Variants in ATP6V1C2 observed in about 807,000 individuals in gnomAD.
ATP6V1C2 encodes ATPase H+ transporting V1 subunit C2.
In ATP6V1C2, 45 loss-of-function variants were observed where a neutral mutation model predicts 56.8. The ratio of observed to expected loss-of-function variants is 0.79; its 90% CI spans 0.62 to 1.02. The LOEUF (loss-of-function observed/expected upper bound fraction) is 1.02. Ranked by LOEUF, ATP6V1C2 falls within the 50% of genes least tolerant of loss-of-function variation. The pLI is 0.00. For synonymous variants in ATP6V1C2, 220 were observed against 201.3 expected (o/e 1.09, Z -0.79); for missense variants, 463 against 519.7 (o/e 0.89, Z 1.06).
At chr2:10,774,648 T>G (rs927260496) in intron 8 of ATP6V1C2, 140 bp from the exon 9 acceptor site, 9 of 734,720 alleles carry the variant, frequency 1.2e-5, no homozygotes, top group Admixed American at 4.5e-5. Flanking sequence ...TTAGGAAATC[T>G]CAGGGAGTGT....
chr2:10,758,849 AG>A (rs1663713731), intron 4 of ATP6V1C2, among the ~76,000 whole-genome samples: 1 of 152,088 alleles, frequency 6.6e-6, no homozygotes, highest in African/African-American at 2.4e-5. Context: ...TTGTATTTTC[AG>A]TAGAGACGGG....
At chr2:10,752,068 A>C (rs542893793) in intron 3 of ATP6V1C2, among the ~76,000 whole-genome samples, 67 of 152,182 alleles carry the variant, frequency 4.4e-4, no homozygotes, top group African/African-American at 1.3e-3. Flanking sequence ...TGCCTCAAAA[A>C]AAAAACAACA....
intron 4 of ATP6V1C2, 121 bp from the exon 5 acceptor site, chr2:10,764,210 C>A: frequency 1.2e-6 from 1 of 822,278 alleles, no homozygotes. Context: ...TGCCTGCCCG[C>A]CGGCGTTGCC....
chr2:10,736,190 C>T (rs1384957117), intron 3 of ATP6V1C2, among the ~76,000 whole-genome samples: 1 of 152,012 alleles, frequency 6.6e-6, no homozygotes, highest in African/African-American at 2.4e-5. Context: ...ACTGATGCTG[C>T]GGGCCCTGCC....
rs979247577 is a variant in ATP6V1C2 at position 10,768,775 on chromosome 2, G to T, written c.435G>T (p.Leu145=). The T allele has an allele frequency of 1.9e-6, 3 of 1,613,902 alleles. No individual in the cohort carries two copies. In the African/African-American group the frequency reaches 4.0e-5, roughly 22 times the overall value. ...LKSRTAAYNT[L]KTNLENLEKK... ...CCCGAACGGCCGCCTACAACACTCT[G>T]AAGACAAACCTGGAGAACCTGGAAA... is the stretch of plus-strand genomic sequence containing the variant. Residue 145 remains leucine (L), a synonymous_variant, in exon 6 of 14, where the codon CTG becomes CTT. Transcript: ENST00000272238.
chr2:10,741,661 G>A (rs968382183), intron 3 of ATP6V1C2, among the ~76,000 whole-genome samples: 1 of 152,184 alleles, frequency 6.6e-6, no homozygotes, highest in African/African-American at 2.4e-5. Flanking sequence ...GTCAGGACCA[G>A]CTGACATGTG....
intron 3 of ATP6V1C2, among the ~76,000 whole-genome samples, chr2:10,749,003 A>G (rs1663067599): frequency 6.6e-6 from 1 of 151,682 alleles, no homozygotes; most frequent in South Asian, 2.1e-4. Context: ...GGTGGCAGAC[A>G]CCTGTAATCC....
chr2:10,784,412 T>TCTGGAGCTACTCC lies in ATP6V1C2; in HGVS notation c.*1150_*1162dup, dbSNP rs1407819489. 6.0e-6 allele frequency: 6 copies of TCTGGAGCTACTCC among 1,005,870 alleles called. No individual in the cohort carries two copies. The highest frequency in any genetic ancestry group is 6.0e-6 in the Non-Finnish European group (4 of 668,544). 62.3% of individuals were successfully genotyped at this position (1,005,870 alleles called of 1,614,324 possible). A position where few individuals can be genotyped will look rare whatever the true frequency, so the allele number is the denominator to read the frequency against. ...ATCTCATTTTATGGAAGAGCGACTC[T>TCTGGAGCTACTCC]CTGGAGCTACTCCTGCTACAATCCA... On this transcript the variant is annotated 3_prime_UTR_variant, in exon 14 of 14. Transcript: ENST00000272238.
At position 10,754,068 on chromosome 2, in the gene ATP6V1C2, T is replaced by C; in HGVS notation, c.283+2T>C. On this transcript the variant is annotated splice_donor_variant, in intron 4 of 13. Coordinates refer to ENST00000272238, the MANE Select transcript of ATP6V1C2 (RefSeq NM_001039362.2). LOFTEE classifies it high-confidence loss of function. ...AGGAGCACCTCCTGGCAAACGGAGG[T>C]AGGTAGGGCGGCCCTCTGATGTGGA... 1.3e-6 allele frequency: 2 copies of C among 1,595,328 alleles called. No homozygotes were observed. Among genetic ancestry groups the C allele is most frequent in the Non-Finnish European group, 8.6e-7 (1 of 1,169,430 alleles).
intron 4 of ATP6V1C2, among the ~76,000 whole-genome samples, chr2:10,760,030 GTTT>G (rs34096158): frequency 7.5e-6 from 1 of 133,840 alleles, no homozygotes; most frequent in African/African-American, 2.7e-5. Flanking sequence ...TTTGTTTTTT[GTTT>G]TTTTTTTTTT....
chr2:10,779,428 AATATATATATATATGTATGT>A (rs1342441628), intron 12 of ATP6V1C2, among the ~76,000 whole-genome samples: 1 of 138,338 alleles, frequency 7.2e-6, no homozygotes, highest in Non-Finnish European at 1.6e-5. Context: ...TAAAAAAAAA[AATATATATATATATGTATGT>A]ATATATATAT....
rs745538878 is a variant in ATP6V1C2, at chr2:10,782,337, C to T, written c.1156C>T (p.Arg386Ter). The change falls in exon 13 of 14, where the codon CGA (arginine) becomes TGA (stop). Residue 386 changes from arginine (R) to a stop codon, truncating the protein, a stop_gained. Transcript: ENST00000272238. LOFTEE classifies it high-confidence loss of function. The part of the protein sequence containing the change: ...RLREVLNSVF[R>*]HLDEVAATSI... ...AAGAGAGGTTCTAAACTCTGTCTTC[C>T]GACATCTGGATGAAGTAGCCGCTAC... 6.8e-6 allele frequency: 11 copies of T among 1,614,072 alleles called. No homozygotes were observed. Among genetic ancestry groups the T allele is most frequent in the African/African-American group, 2.7e-5 (2 of 74,918 alleles).
At chr2:10,774,743 A>C in intron 8 of ATP6V1C2, 45 bp from the exon 9 acceptor site, 1 of 1,562,332 alleles carries the variant, frequency 6.4e-7, no homozygotes, top group Non-Finnish European at 8.8e-7. Flanking sequence ...ACTCCCGCAC[A>C]AGGCCTAGCA....
At chr2:10,777,331 C>A (rs1338476166) in intron 10 of ATP6V1C2, among the ~76,000 whole-genome samples, 2 of 152,150 alleles carry the variant, frequency 1.3e-5, no homozygotes, top group African/African-American at 4.8e-5. Flanking sequence ...TCAGGGCTGA[C>A]CCCTCTGCCA....
At chr2:10,782,444 G>A (rs1405059421) in intron 13 of ATP6V1C2, 69 bp downstream of exon 13, 1 of 1,557,336 alleles carries the variant, frequency 6.4e-7, no homozygotes, top group African/African-American at 1.4e-5. Flanking sequence ...ACTGGTATCT[G>A]CCTGTAATCC....
Position 10,722,845 on chromosome 2 carries a change from G to A in ATP6V1C2, c.-5G>A. 6.2e-7 allele frequency: 1 copy of A among 1,614,050 alleles called. No homozygotes were observed. On this transcript the variant is annotated 5_prime_UTR_variant, in exon 2 of 14. Coordinates refer to ENST00000272238, the MANE Select transcript of ATP6V1C2 (RefSeq NM_001039362.2). ...GCAGTCACTGGGTAAGAGAAGACTGGAAGCATGTCGGAGTTTTGGTTAATT... is the reference window on the plus strand; with the variant it reads ...GCAGTCACTGGGTAAGAGAAGACTGAAAGCATGTCGGAGTTTTGGTTAATT...
chr2:10,784,196 C>A lies in ATP6V1C2; in HGVS notation c.*933C>A. 1 of 1,344,886 alleles carries A rather than the reference C, an allele frequency of 7.4e-7. No homozygotes were observed. The highest frequency in any genetic ancestry group is 1.1e-6 in the Non-Finnish European group (1 of 950,040). The allele number at this position is 1,344,886 out of a possible 1,614,324, so 83.3% of individuals were successfully genotyped here. A position where few individuals can be genotyped will look rare whatever the true frequency, so the allele number is the denominator to read the frequency against. ...TCTGAGTGTAGAGAATGTCCCTTCA[C>A]TGCTGGAAAAATCCACTGGCTCCCA... On this transcript the variant is annotated 3_prime_UTR_variant, in exon 14 of 14. Transcript: ENST00000272238.
chr2:10,767,030 T>A (rs72777382), intron 5 of ATP6V1C2, among the ~76,000 whole-genome samples: 2,902 of 152,032 alleles, frequency 0.019, 48 homozygotes, highest in Non-Finnish European at 0.031. Flanking sequence ...TTAAAAGTTT[T>A]AAAAAAATTA....
intron 4 of ATP6V1C2, among the ~76,000 whole-genome samples, chr2:10,760,295 T>C (rs1401525843): frequency 2.0e-5 from 3 of 151,922 alleles, no homozygotes; most frequent in Non-Finnish European, 2.9e-5. Flanking sequence ...GCTTGAACCC[T>C]GGAGGCCAGA....
Sources: allele counts gnomAD v4.1 joint callset (sites outside exome capture counted in the v4.1 genomes callset), GRCh38; gene constraint gnomAD v4.1.1; transcripts MANE v1.5; gene names NCBI Gene and HGNC (gene_info 2026-07-23, HGNC 2026-07-21).